MCC: variants seen among roughly 807,000 people sequenced by gnomAD.
MCC encodes the protein colorectal mutant cancer protein.
A neutral mutation model predicts 116.2 loss-of-function variants in MCC; 90 were observed. The observed-to-expected ratio is 0.77, with a 90% CI of 0.65 to 0.92. The LOEUF (loss-of-function observed/expected upper bound fraction) is 0.92, where lower values mean the gene tolerates loss of function less well. MCC is among the 40% of genes least tolerant of loss of function. The pLI, the probability that MCC is intolerant of heterozygous loss-of-function variation, is 0.00. For synonymous variants in MCC, 578 were observed against 510.5 expected, an observed-to-expected ratio of 1.13 and a Z score of -1.78; for missense variants, 1,516 against 1,312.2, an observed-to-expected ratio of 1.16 and a Z score of -2.40.
rs190677869 is a variant in MCC, at chr5:113,051,875, A to C, written c.2448+1850T>G. 3.3e-4 allele frequency among the ~76,000 whole-genome samples: 51 copies of C among 152,310 alleles called. No homozygotes were observed. In the South Asian group the frequency reaches 5.6e-3, roughly 17 times the overall value. ...CTAGAAACTGGTGAAAATCCAACGT[A>C]ACCTGCTGGATAATGGATTTGGTAT... On this transcript the variant is annotated intron_variant, in intron 15 of 18. Coordinates refer to ENST00000408903, the MANE Select transcript of MCC (RefSeq NM_001085377.2).
At chr5:113,354,397 T>A (rs1768357306) in intron 2 of MCC, among the ~76,000 whole-genome samples, 1 of 152,026 alleles carries the variant, frequency 6.6e-6, no homozygotes, top group African/African-American at 2.4e-5. Context: ...ATTTTTATAT[T>A]ATCTCAAATA....
chr5:113,169,950 T>G (rs1052969160), intron 3 of MCC, among the ~76,000 whole-genome samples: 61 of 152,214 alleles, frequency 4.0e-4, no homozygotes, highest in African/African-American at 1.4e-3. Flanking sequence ...TTTTATGCAT[T>G]GCTCAACTTC....
At chr5:113,071,301 C>A in intron 11 of MCC, 67 bp from the exon 12 acceptor site, 1 of 1,537,876 alleles carries the variant, frequency 6.5e-7, no homozygotes, top group Non-Finnish European at 8.9e-7. Context: ...TCAGTTGTCT[C>A]ATTTATATTC....
At chr5:113,133,909 T>C (rs577834342) in intron 5 of MCC, among the ~76,000 whole-genome samples, 1 of 152,230 alleles carries the variant, frequency 6.6e-6, no homozygotes, top group Non-Finnish European at 1.5e-5. Context: ...GAGCAATGTC[T>C]ATTCAGATCT....
chr5:113,149,051 C>T (rs1759687939), intron 4 of MCC, among the ~76,000 whole-genome samples: 1 of 152,100 alleles, frequency 6.6e-6, no homozygotes, highest in Non-Finnish European at 1.5e-5. Context: ...TTCCTGGTCA[C>T]TTTTTAAAAT....
At chr5:113,168,478 G>C (rs954321340) in intron 3 of MCC, among the ~76,000 whole-genome samples, 3 of 152,092 alleles carry the variant, frequency 2.0e-5, no homozygotes, top group Non-Finnish European at 4.4e-5. Flanking sequence ...ACTTGACTAA[G>C]AAAAGATGAG....
At chr5:113,163,508 T>TC (rs1561417532) in intron 3 of MCC, among the ~76,000 whole-genome samples, 1 of 151,990 alleles carries the variant, frequency 6.6e-6, no homozygotes, top group African/African-American at 2.4e-5. Flanking sequence ...CCTTTTTTCC[T>TC]GTAACCCTTA....
In MCC at chr5:113,057,179, T is replaced by C. The variant is rs536581494; in HGVS notation, c.2214-3220A>G. ...GAAGGAGAAGTGGTCAGAGAGGGAG[T>C]GCGTGGGAGGGGCTGGGTGCCAGGT... On this transcript the variant is annotated intron_variant, in intron 14 of 18. Coordinates refer to ENST00000408903, the MANE Select transcript of MCC (RefSeq NM_001085377.2). Among the ~76,000 whole-genome samples, 5 of 151,228 alleles carry C rather than the reference T, an allele frequency of 3.3e-5. No homozygotes were observed. In the South Asian group the frequency reaches 8.4e-4, roughly 26 times the overall value.
intron 8 of MCC, among the ~76,000 whole-genome samples, chr5:113,100,600 T>G (rs980967808): frequency 1.2e-4 from 18 of 149,644 alleles, no homozygotes; most frequent in Admixed American, 1.1e-3. Context: ...GCCTCTCAAG[T>G]AGCTGGGACT....
chr5:113,227,845 T>C (rs536479231), intron 3 of MCC, among the ~76,000 whole-genome samples: 1 of 152,340 alleles, frequency 6.6e-6, no homozygotes, highest in African/African-American at 2.4e-5. Context: ...CCGCATTTTT[T>C]AGACCTGCCA....
intron 1 of MCC, among the ~76,000 whole-genome samples, chr5:113,396,402 C>T (rs1011683413): frequency 6.6e-6 from 1 of 151,162 alleles, no homozygotes; most frequent in Admixed American, 6.6e-5. Context: ...GAGCCCAAGG[C>T]GGGCAGATCA....
At chr5:113,302,670 G>A (rs1766892227) in intron 3 of MCC, among the ~76,000 whole-genome samples, 1 of 152,198 alleles carries the variant, frequency 6.6e-6, no homozygotes, top group Non-Finnish European at 1.5e-5. Flanking sequence ...ACTAGAGGAG[G>A]TGGGAAGACA....
intron 14 of MCC, among the ~76,000 whole-genome samples, chr5:113,055,003 G>A (rs1752735411): frequency 6.6e-6 from 1 of 152,198 alleles, no homozygotes; most frequent in African/African-American, 2.4e-5. Context: ...CACTTGCACT[G>A]GGCCTCCCTA....
chr5:113,223,773 T>TCC (rs1763636832), intron 3 of MCC, among the ~76,000 whole-genome samples: 1 of 152,286 alleles, frequency 6.6e-6, no homozygotes, highest in Admixed American at 6.5e-5. Flanking sequence ...AAATGATGCC[T>TCC]CATTTGTTCA....
At chr5:113,048,705 T>C in intron 16 of MCC, 1 of 350,332 alleles carries the variant, frequency 2.9e-6, no homozygotes. Context: ...CAGGCATCTA[T>C]GGGGGATTTT....
rs773661502 is a variant in MCC at position 113,082,840 on chromosome 5, T to C, written c.1784+20A>G. The C allele has an allele frequency of 1.2e-6, 2 of 1,611,394 alleles. No individual in the cohort carries two copies. The highest frequency in any genetic ancestry group is 2.7e-5 in the African/African-American group (2 of 74,956). On this transcript the variant is annotated intron_variant, in intron 11 of 18. Coordinates refer to ENST00000408903, the MANE Select transcript of MCC (RefSeq NM_001085377.2). ...ACCTCCTCCCTGCCCCACAATCAAA[T>C]CGATACGATCTCTCCTCACCTATTC...
At chr5:113,093,642 T>G (rs551177734) in intron 8 of MCC, among the ~76,000 whole-genome samples, 110 of 152,170 alleles carry the variant, frequency 7.2e-4, no homozygotes, top group African/African-American at 2.6e-3. Flanking sequence ...AGGAAATTCC[T>G]TGGAAACGTG....
intron 4 of MCC, among the ~76,000 whole-genome samples, chr5:113,146,757 C>T (rs1337948067): frequency 6.6e-6 from 1 of 152,182 alleles, no homozygotes; most frequent in Non-Finnish European, 1.5e-5. Context: ...TGGACAGAGA[C>T]ACCCCATACA....
At chr5:113,107,288 G>C (rs1316088098) in intron 6 of MCC, among the ~76,000 whole-genome samples, 1 of 148,084 alleles carries the variant, frequency 6.8e-6, no homozygotes, top group Non-Finnish European at 1.5e-5. Flanking sequence ...TGCAGTCTCA[G>C]CTCACTGCAA....
Sources: allele counts gnomAD v4.1 joint callset (sites outside exome capture counted in the v4.1 genomes callset), GRCh38; gene constraint gnomAD v4.1.1; transcripts MANE v1.5; gene names NCBI Gene and HGNC (gene_info 2026-07-23, HGNC 2026-07-21).